Variants in KIR2DL3 observed in about 807,000 individuals in gnomAD.
The protein encoded by KIR2DL3 is killer cell immunoglobulin-like receptor 2DL3.
KIR2DL3 carries 39 observed loss-of-function variants against 33.8 expected under a neutral mutation model. The observed-to-expected ratio is 1.15, with a 90% confidence interval of 0.89 to 1.51. The LOEUF is 1.51. Ranked by LOEUF, KIR2DL3 falls within the 40% of genes most tolerant of loss-of-function variation. The pLI is 0.00. For synonymous variants in KIR2DL3, 174 were observed against 160.2 expected (o/e 1.09, Z -0.65); for missense variants, 462 against 426.2 (o/e 1.08, Z -0.74).
At chr19:54,748,619 T>G (rs1424857037) in intron 5 of KIR2DL3, among the ~76,000 whole-genome samples, 4 of 147,896 alleles carry the variant, frequency 2.7e-5, no homozygotes, top group African/African-American at 7.5e-5. Context: ...AATCTATTTT[T>G]TGTTTGTTCT....
Position 54,747,336 on chromosome 19 carries a change from A to C in KIR2DL3, c.666A>C (p.Gly222=). ...CCTCTCTCCTGTCTCGTGTTCTAGG[A>C]AACCCTTCAAATAGTTGGCCTTCAC... ...SSDPLLVSVT[G]NPSNSWPSPT... The change falls in exon 5 of 8, where the codon GGA becomes GGC. Residue 222 remains glycine (G), a splice_region_variant and synonymous_variant. Coordinates refer to ENST00000342376, the MANE Select transcript of KIR2DL3 (RefSeq NM_015868.3). 6.2e-7 allele frequency: 1 copy of C among 1,611,564 alleles called. No individual in the cohort carries two copies. The highest frequency in any genetic ancestry group is 8.5e-7 in the Non-Finnish European group (1 of 1,178,284).
intron 5 of KIR2DL3, 115 bp downstream of exon 5, chr19:54,747,500 A>T: frequency 7.5e-7 from 1 of 1,340,310 alleles, no homozygotes. Flanking sequence ...GTCTTCTACC[A>T]TCTCCGAACT....
intron 2 of KIR2DL3, among the ~76,000 whole-genome samples, chr19:54,740,160 G>A (rs1029687651): frequency 2.8e-4 from 42 of 152,158 alleles, no homozygotes; most frequent in Non-Finnish European, 5.4e-4. Flanking sequence ...GGGCACCAAG[G>A]TGTGATAGTA....
chr19:54,742,663 A>C (rs1555899440), intron 3 of KIR2DL3, among the ~76,000 whole-genome samples: 42,326 of 138,374 alleles, frequency 0.31, 6,902 homozygotes, highest in South Asian at 0.38. Context: ...ACCCATATTT[A>C]TGACCTGAGT....
At chr19:54,745,916 G>T (rs1426650963) in intron 4 of KIR2DL3, among the ~76,000 whole-genome samples, 1 of 141,860 alleles carries the variant, frequency 7.0e-6, no homozygotes, top group African/African-American at 2.6e-5. Context: ...AGGTTCAAGC[G>T]ATTCTCCTGC....
At position 54,752,566 on chromosome 19, in the gene KIR2DL3, G is replaced by C; in HGVS notation, c.*47G>C. 1.4e-6 allele frequency: 2 copies of C among 1,458,772 alleles called. No homozygotes were observed. Among genetic ancestry groups the C allele is most frequent in the Non-Finnish European group, 1.9e-6 (2 of 1,072,044 alleles). The allele number at this position is 1,458,772 out of a possible 1,614,324, so 90.4% of individuals were successfully genotyped here. A position where few individuals can be genotyped will look rare whatever the true frequency, so the allele number is the denominator to read the frequency against. On this transcript the variant is annotated 3_prime_UTR_variant, in exon 8 of 8. Transcript: ENST00000342376. ...TGAGCACCACAGTCAGGCCTTGAGG[G>C]GATCTTCTAGGGAGACAACAGCCCT...
rs765710627 is a variant in KIR2DL3 at position 54,744,060 on chromosome 19, G to C, written c.636G>C (p.Ser212=). 2 of 1,598,370 alleles carry C rather than the reference G, an allele frequency of 1.3e-6. No homozygotes were observed. Among genetic ancestry groups the C allele is most frequent in the Admixed American group, 1.7e-5 (1 of 58,624 alleles). Residue 212 remains serine, a synonymous_variant, in exon 4 of 8, where the codon TCG becomes TCC. Transcript: ENST00000342376. The part of the protein sequence containing the change: ...FRDSPYEWSN[S]SDPLLVSVTG... ...ACTCTCCATACGAGTGGTCAAACTC[G>C]AGTGACCCACTGCTTGTTTCTGTCA...
Position 54,742,121 on chromosome 19 carries a change from A to G in KIR2DL3, c.212A>G (p.His71Arg), listed in dbSNP as rs138897134. Residue 71 changes from histidine to arginine, a missense_variant, in exon 3 of 8, where the codon CAC becomes CGC. By Grantham distance (29) the His-to-Arg change is conservative. Coordinates refer to ENST00000342376, the MANE Select transcript of KIR2DL3 (RefSeq NM_015868.3). ...HREGKFKDTL[H>R]LIGEHHDGVS... The stretch of plus-strand genomic sequence containing the variant: ...GAAGGGAAGTTTAAGGACACTTTGC[A>G]CCTCATTGGAGAGCACCATGATGGG... 68,647 of 1,613,334 alleles carry G rather than the reference A, an allele frequency of 0.043. 1,808 individuals carry two copies. The highest frequency in any genetic ancestry group is 0.12 in the African/African-American group (8,836 of 74,790).
Position 54,750,145 on chromosome 19 carries a change from C to A in KIR2DL3, c.716-1504C>A, listed in dbSNP as rs1186893906. 6.1e-5 allele frequency among the ~76,000 whole-genome samples: 8 copies of A among 131,956 alleles called. 2 individuals carry two copies. The highest frequency in any genetic ancestry group is 2.3e-4 in the African/African-American group (8 of 34,762). 86.6% of individuals were successfully genotyped at this position (131,956 alleles called of 152,430 possible). A position where few individuals can be genotyped will look rare whatever the true frequency, so the allele number is the denominator to read the frequency against. ...CGTGGAATAGAGAAAGTGCTCTGTTCATCGCAACAAAAAACTTGCCCACTC... is the reference window on the plus strand; with the variant it reads ...CGTGGAATAGAGAAAGTGCTCTGTTAATCGCAACAAAAAACTTGCCCACTC... On this transcript the variant is annotated intron_variant, in intron 5 of 7. Transcript: ENST00000342376.
At chr19:54,746,093 G>A (rs1391265165) in intron 4 of KIR2DL3, among the ~76,000 whole-genome samples, 3 of 134,458 alleles carry the variant, frequency 2.2e-5, no homozygotes, top group South Asian at 2.6e-4. Context: ...GATGACAGAC[G>A]TGAGCCACCA....
At position 54,747,261 on chromosome 19, in the gene KIR2DL3, C is replaced by T. The variant is rs567203980; in HGVS notation, c.665-74C>T. 4,916 of 1,576,982 alleles carry T rather than the reference C, an allele frequency of 3.1e-3. 44 individuals carry two copies. The highest frequency in any genetic ancestry group is 0.021 in the South Asian group (1,936 of 90,156). On this transcript the variant is annotated intron_variant, in intron 4 of 7. Coordinates refer to ENST00000342376, the MANE Select transcript of KIR2DL3 (RefSeq NM_015868.3). ...AGATAACAGAGTGTTGGCCATGAAC[C>T]AACCTCAAAGATTTCCATTGAGTAG...
intron 5 of KIR2DL3, among the ~76,000 whole-genome samples, chr19:54,750,886 G>A (rs1475588535): frequency 7.5e-6 from 1 of 133,154 alleles, no homozygotes; most frequent in African/African-American, 2.8e-5. Context: ...AGCCCAGCCT[G>A]GGTTTTGTAC....
chr19:54,750,466 T>G (rs1409497169), intron 5 of KIR2DL3, among the ~76,000 whole-genome samples: 1 of 138,826 alleles, frequency 7.2e-6, no homozygotes, highest in Admixed American at 7.5e-5. Context: ...CAACACTATT[T>G]CCTGGCCATT....
chr19:54,746,727 A>G (rs535160138), intron 4 of KIR2DL3, among the ~76,000 whole-genome samples: 64 of 150,444 alleles, frequency 4.3e-4, no homozygotes, highest in Non-Finnish European at 7.5e-4. Context: ...TGACACCTGC[A>G]ATTTCAGCAC....
At position 54,742,140 on chromosome 19, in the gene KIR2DL3, T is replaced by C. The variant is rs893112123; in HGVS notation, c.231T>C (p.His77=). 4.2e-4 allele frequency: 684 copies of C among 1,614,042 alleles called. 3 individuals are homozygous for C. The highest frequency in any genetic ancestry group is 3.1e-3 in the East Asian group (140 of 44,874). ...KDTLHLIGEH[H]DGVSKANFSI... is the part of the protein sequence containing the mutation. ...CTTTGCACCTCATTGGAGAGCACCA[T>C]GATGGGGTCTCCAAGGCCAACTTCT... Residue 77 remains histidine, a synonymous_variant, in exon 3 of 8, where the codon CAT becomes CAC. Transcript: ENST00000342376.
Position 54,743,831 on chromosome 19 carries a change from G to A in KIR2DL3, c.407G>A (p.Gly136Asp), listed in dbSNP as rs757242067. The A allele has an allele frequency of 5.6e-6, 9 of 1,612,094 alleles. No individual in the cohort carries two copies. Among genetic ancestry groups the A allele is most frequent in the East Asian group, 4.5e-5 (2 of 44,896 alleles). Residue 136 changes from glycine (G) to aspartate (D), a missense_variant, in exon 4 of 8, where the codon GGC becomes GAC. Coordinates refer to ENST00000342376, the MANE Select transcript of KIR2DL3 (RefSeq NM_015868.3). ...YEKPSLSAQP[G>D]PTVLAGESVT... Reference sequence around the variant, plus strand: ...AAACCTTCTCTCTCAGCCCAGCCGGGCCCCACGGTTCTGGCAGGAGAGAGC... The same window carrying A: ...AAACCTTCTCTCTCAGCCCAGCCGGACCCCACGGTTCTGGCAGGAGAGAGC...
At position 54,738,563 on chromosome 19, in the gene KIR2DL3, C is replaced by T. The variant is rs529967167; in HGVS notation, c.18C>T (p.Val6=). MSLMV[V]SMVCVGFFLL... ...ACAGCACCATGTCGCTCATGGTCGT[C>T]AGCATGGTGTGTGTTGGTGAGTCCT... Residue 6 remains valine, a synonymous_variant, in exon 1 of 8, where the codon GTC becomes GTT. Transcript: ENST00000342376. The T allele has an allele frequency of 5.0e-6, 8 of 1,614,174 alleles. No individual in the cohort carries two copies. In the South Asian group the frequency reaches 5.5e-5, roughly 11 times the overall value.
At chr19:54,742,879 G>T (rs1302518309) in intron 3 of KIR2DL3, among the ~76,000 whole-genome samples, 1 of 151,400 alleles carries the variant, frequency 6.6e-6, no homozygotes, top group Non-Finnish European at 1.5e-5. Flanking sequence ...TCACTGAGAG[G>T]CACAGAGAAA....
At position 54,748,724 on chromosome 19, in the gene KIR2DL3, T is replaced by G. The variant is rs1187098206; in HGVS notation, c.715+1339T>G. 9.1e-5 allele frequency among the ~76,000 whole-genome samples: 13 copies of G among 143,220 alleles called. 1 individual carries two copies. Among genetic ancestry groups the G allele is most frequent in the South Asian group, 2.3e-4 (1 of 4,360 alleles). The allele number at this position is 143,220 out of a possible 152,430, so 94.0% of individuals were successfully genotyped here. On this transcript the variant is annotated intron_variant, in intron 5 of 7. Coordinates refer to ENST00000342376, the MANE Select transcript of KIR2DL3 (RefSeq NM_015868.3). ...GCAACCTGCGTCTCCTGGATTCAAG[T>G]GATTCTCCTGCCTCCGCCTCTCGAG... is the stretch of plus-strand genomic sequence containing the variant.
Sources: allele counts gnomAD v4.1 joint callset (sites outside exome capture counted in the v4.1 genomes callset), GRCh38; gene constraint gnomAD v4.1.1; transcripts MANE v1.5; gene names NCBI Gene and HGNC (gene_info 2026-07-23, HGNC 2026-07-21).